PRKD1: variants seen among roughly 807,000 people sequenced by gnomAD.
PRKD1 encodes the protein protein kinase D1, also known as serine/threonine-protein kinase D1.
A neutral mutation model predicts 95.9 loss-of-function variants in PRKD1; 63 were observed. The ratio of observed to expected loss-of-function variants is 0.66; its 90% CI spans 0.54 to 0.81. The LOEUF (loss-of-function observed/expected upper bound fraction) is 0.81, where lower values mean the gene tolerates loss of function less well. PRKD1 is among the 30% of genes least tolerant of loss of function. The pLI is 0.00. For synonymous variants in PRKD1, 425 were observed against 423.1 expected (o/e 1.00, Z -0.05); for missense variants, 1,048 against 1,165.3 (o/e 0.90, Z 1.47).
chr14:29,858,830 C>A lies in PRKD1; in HGVS notation c.264+68419G>T, dbSNP rs115239200. Among the ~76,000 whole-genome samples the A allele has an allele frequency of 1.1e-4, 16 of 151,908 alleles. 1 individual carries two copies. The East Asian group carries it at 3.1e-3, about 29-fold the overall frequency. On this transcript the variant is annotated intron_variant, in intron 1 of 17. Coordinates refer to ENST00000331968, the MANE Select transcript of PRKD1 (RefSeq NM_002742.3). ...TCTTTTTCCATAGGAAAAACAAAAA[C>A]AAAAAACTCTGCTATTTAGAAAAAA...
intron 1 of PRKD1, among the ~76,000 whole-genome samples, chr14:29,870,005 A>G (rs1005773344): frequency 4.6e-5 from 7 of 152,174 alleles, no homozygotes; most frequent in Admixed American, 4.6e-4. Flanking sequence ...AATATGGTTA[A>G]CTTATGGCTC....
At chr14:29,617,903 C>T (rs930301397) in intron 13 of PRKD1, among the ~76,000 whole-genome samples, 5 of 106,176 alleles carry the variant, frequency 4.7e-5, no homozygotes, top group East Asian at 7.3e-4. Context: ...TCCATCTCTA[C>T]CAAAAATAAA....
intron 1 of PRKD1, among the ~76,000 whole-genome samples, chr14:29,779,392 C>A (rs530559105): frequency 6.6e-6 from 1 of 152,136 alleles, no homozygotes; most frequent in Admixed American, 6.5e-5. Flanking sequence ...AAAACCCCAT[C>A]GTCTCAGCCC....
chr14:29,589,000 G>A (rs1214437540), intron 16 of PRKD1, among the ~76,000 whole-genome samples: 1 of 152,020 alleles, frequency 6.6e-6, no homozygotes, highest in South Asian at 2.1e-4. Flanking sequence ...GTCTGCAGGG[G>A]TCAGGGGCTC....
At chr14:29,683,481 G>C (rs979480993) in intron 2 of PRKD1, among the ~76,000 whole-genome samples, 1 of 152,140 alleles carries the variant, frequency 6.6e-6, no homozygotes, top group Admixed American at 6.5e-5. Flanking sequence ...CAGGACAGAG[G>C]TTAGGGGAAA....
At chr14:29,585,800 A>G (rs916590788) in intron 16 of PRKD1, among the ~76,000 whole-genome samples, 2 of 152,196 alleles carry the variant, frequency 1.3e-5, no homozygotes, top group African/African-American at 2.4e-5. Context: ...TGGACTACAC[A>G]CTAAAATCCT....
At chr14:29,643,804 T>C (rs1566509002) in intron 4 of PRKD1, among the ~76,000 whole-genome samples, 1 of 152,214 alleles carries the variant, frequency 6.6e-6, no homozygotes, top group South Asian at 2.1e-4. Flanking sequence ...TTCTCTGAGA[T>C]AAAAGTCACT....
intron 4 of PRKD1, among the ~76,000 whole-genome samples, chr14:29,654,525 T>C (rs900622091): frequency 1.3e-5 from 2 of 152,028 alleles, no homozygotes; most frequent in Non-Finnish European, 2.9e-5. Flanking sequence ...ACGCAAAAAA[T>C]AGAGATGCTT....
intron 13 of PRKD1, among the ~76,000 whole-genome samples, chr14:29,606,321 C>A (rs1893704164): frequency 1.3e-5 from 2 of 152,066 alleles, no homozygotes; most frequent in African/African-American, 4.8e-5. Context: ...CCAATAATGA[C>A]TTTTTTGATA....
intron 1 of PRKD1, among the ~76,000 whole-genome samples, chr14:29,767,879 C>T (rs2139130834): frequency 6.6e-6 from 1 of 152,182 alleles, no homozygotes; most frequent in South Asian, 2.1e-4. Flanking sequence ...GGCTTTAAAA[C>T]CAAACAATTA....
intron 7 of PRKD1, among the ~76,000 whole-genome samples, chr14:29,635,604 G>A (rs746938496): frequency 2.6e-5 from 4 of 152,132 alleles, no homozygotes; most frequent in Middle Eastern, 3.2e-3. Context: ...CAGAGACTAG[G>A]AAACATTTTC....
rs140015932 is a variant in PRKD1, at chr14:29,802,172, GA to G, written c.265-76499del. ...ATGAAGAATGTAAAGCTACATTTCT[GA>G]AAAAAAAAAGATGTGACTCTACTTG... is the stretch of plus-strand genomic sequence containing the variant. On this transcript the variant is annotated intron_variant, in intron 1 of 17. Transcript: ENST00000331968. Among the ~76,000 whole-genome samples the G allele has an allele frequency of 4.4e-3, 644 of 146,434 alleles. 3 individuals are homozygous for G. Among genetic ancestry groups the G allele is most frequent in the African/African-American group, 0.014 (546 of 40,138 alleles).
chr14:29,774,722 G>A (rs192434280), intron 1 of PRKD1, among the ~76,000 whole-genome samples: 1 of 149,378 alleles, frequency 6.7e-6, no homozygotes, highest in East Asian at 1.9e-4. Context: ...TTAAAGAGGA[G>A]GAAACTATGC....
At chr14:29,752,762 A>G (rs1456036954) in intron 1 of PRKD1, among the ~76,000 whole-genome samples, 1 of 152,096 alleles carries the variant, frequency 6.6e-6, no homozygotes, top group Non-Finnish European at 1.5e-5. Flanking sequence ...GTTTGTGTGC[A>G]ATCATCAAAG....
intron 4 of PRKD1, among the ~76,000 whole-genome samples, chr14:29,644,783 CTATACATTTTATACAACTATT>C (rs1881020242): frequency 6.6e-6 from 1 of 151,356 alleles, no homozygotes; most frequent in African/African-American, 2.4e-5. Flanking sequence ...TATAAATAAA[CTATACATTTTATACAACTATT>C]TATACATTTT....
chr14:29,625,284 T>C (rs1056597983), intron 12 of PRKD1, among the ~76,000 whole-genome samples: 7 of 152,196 alleles, frequency 4.6e-5, no homozygotes, highest in African/African-American at 1.4e-4. Context: ...TTCAAGGCCA[T>C]GACTTCTTTC....
intron 1 of PRKD1, among the ~76,000 whole-genome samples, chr14:29,891,813 A>C (rs1379547149): frequency 6.6e-6 from 1 of 152,246 alleles, no homozygotes; most frequent in Admixed American, 6.5e-5. Context: ...CATGGAATTC[A>C]ATTCAGAAAT....
At chr14:29,588,087 GCT>G (rs1346377690) in intron 16 of PRKD1, among the ~76,000 whole-genome samples, 1 of 152,146 alleles carries the variant, frequency 6.6e-6, no homozygotes. Flanking sequence ...GATCTGCAAG[GCT>G]CATAAACTGT....
chr14:29,917,051 G>A (rs961989002), intron 1 of PRKD1, among the ~76,000 whole-genome samples: 2 of 152,234 alleles, frequency 1.3e-5, no homozygotes, highest in South Asian at 4.1e-4. Flanking sequence ...AGAAGGGAGG[G>A]GGGGAAATGT....
Sources: allele counts gnomAD v4.1 joint callset (sites outside exome capture counted in the v4.1 genomes callset), GRCh38; gene constraint gnomAD v4.1.1; transcripts MANE v1.5; gene names NCBI Gene and HGNC (gene_info 2026-07-23, HGNC 2026-07-21).